OXCT1: variants seen among roughly 807,000 people sequenced by gnomAD.
OXCT1 encodes succinyl-CoA:3-ketoacid coenzyme A transferase 1, mitochondrial.
A neutral mutation model predicts 69.6 loss-of-function variants in OXCT1; 27 were observed. The observed-to-expected ratio is 0.39, with a 90% CI of 0.29 to 0.54. The LOEUF is 0.54. Among genes scored for constraint, OXCT1 ranks in the 20% least tolerant of loss-of-function variants. The probability of loss-of-function intolerance (pLI) is 0.72; values close to 1 mark genes in which losing one functional copy is unlikely to be tolerated. For missense variants in OXCT1, 437 were observed against 650.2 expected, an observed-to-expected ratio of 0.67 and a Z score of 3.57; for synonymous variants, 202 against 217.8, an observed-to-expected ratio of 0.93 and a Z score of 0.64.
intron 7 of OXCT1, among the ~76,000 whole-genome samples, chr5:41,811,070 C>T (rs1379040716): frequency 1.4e-5 from 2 of 139,200 alleles, no homozygotes; most frequent in African/African-American, 5.3e-5. Context: ...ACATTAACTC[C>T]AAAAGAGAGG....
At chr5:41,793,344 G>A (rs928391138) in intron 13 of OXCT1, among the ~76,000 whole-genome samples, 13 of 152,254 alleles carry the variant, frequency 8.5e-5, no homozygotes, top group East Asian at 5.8e-4. Flanking sequence ...TTCCATGCAC[G>A]TACTTGGGAA....
chr5:41,840,301 A>G lies in OXCT1; in HGVS notation c.732+150T>C, dbSNP rs551967230. The G allele has an allele frequency of 1.3e-3, 803 of 640,940 alleles. 4 individuals are homozygous for G. The highest frequency in any genetic ancestry group is 1.3e-3 in the Middle Eastern group (3 of 2,334). The allele number at this position is 640,940 out of a possible 1,614,324, so 39.7% of individuals were successfully genotyped here. The stretch of plus-strand genomic sequence containing the variant: ...GTTACAGCAAAATTTTAACTATTAT[A>G]TATTTAGATAGAATGGATCCATTTC... On this transcript the variant is annotated intron_variant, in intron 7 of 16. Coordinates refer to ENST00000196371, the MANE Select transcript of OXCT1 (RefSeq NM_000436.4).
intron 1 of OXCT1, among the ~76,000 whole-genome samples, chr5:41,868,516 G>C (rs990245510): frequency 6.6e-6 from 1 of 152,158 alleles, no homozygotes; most frequent in African/African-American, 2.4e-5. Flanking sequence ...GAGGTCAGGA[G>C]ATCGAGACCA....
chr5:41,766,666 A>C (rs2112119919), intron 13 of OXCT1, among the ~76,000 whole-genome samples: 1 of 152,094 alleles, frequency 6.6e-6, no homozygotes, highest in South Asian at 2.1e-4. Context: ...AAATGAATGC[A>C]TTTGAATGGT....
intron 5 of OXCT1, among the ~76,000 whole-genome samples, chr5:41,848,907 T>C (rs940246657): frequency 6.6e-6 from 1 of 152,090 alleles, no homozygotes; most frequent in Non-Finnish European, 1.5e-5. Context: ...CCAAAAGCAA[T>C]GGCAACAAAA....
At chr5:41,862,781 C>G in intron 1 of OXCT1, 31 bp from the exon 2 acceptor site, 1 of 1,273,500 alleles carries the variant, frequency 7.9e-7, no homozygotes, top group Middle Eastern at 1.9e-4. Context: ...AATTGATAAT[C>G]ATTTGGAGAT....
intron 5 of OXCT1, among the ~76,000 whole-genome samples, chr5:41,849,153 G>C (rs16871972): frequency 0.22 from 33,967 of 152,076 alleles, 3,907 homozygotes; most frequent in Middle Eastern, 0.3. Context: ...GAGATCAACA[G>C]TGAACATCAA....
chr5:41,748,424 C>G (rs1298182900), intron 15 of OXCT1, among the ~76,000 whole-genome samples: 1 of 152,008 alleles, frequency 6.6e-6, no homozygotes, highest in Non-Finnish European at 1.5e-5. Flanking sequence ...AAACAAACAA[C>G]CAACAGGGTA....
intron 16 of OXCT1, among the ~76,000 whole-genome samples, chr5:41,732,074 T>G (rs1214793316): frequency 6.6e-6 from 1 of 152,170 alleles, no homozygotes; most frequent in Non-Finnish European, 1.5e-5. Context: ...CCAAGCCCCC[T>G]GTCAGATGGA....
intron 7 of OXCT1, among the ~76,000 whole-genome samples, chr5:41,819,233 AT>A (rs995344802): frequency 6.6e-5 from 10 of 151,418 alleles, no homozygotes; most frequent in East Asian, 1.9e-4. Flanking sequence ...TATTAAGATA[AT>A]TTTTTTTTAG....
At chr5:41,818,600 A>C (rs1747371424) in intron 7 of OXCT1, among the ~76,000 whole-genome samples, 1 of 152,222 alleles carries the variant, frequency 6.6e-6, no homozygotes, top group Non-Finnish European at 1.5e-5. Context: ...TCTCACAAGA[A>C]AAAAATTTAA....
chr5:41,845,408 G>C (rs1286118370), intron 5 of OXCT1, among the ~76,000 whole-genome samples: 1 of 152,068 alleles, frequency 6.6e-6, no homozygotes, highest in Non-Finnish European at 1.5e-5. Flanking sequence ...TTCCACTATA[G>C]ACATTATGCA....
In OXCT1 at chr5:41,777,323, G is replaced by C. The variant is rs546143178; in HGVS notation, c.1249-15123C>G. Among the ~76,000 whole-genome samples the C allele has an allele frequency of 5.9e-5, 9 of 152,322 alleles. No homozygotes were observed. In the South Asian group the frequency reaches 1.4e-3, roughly 25 times the overall value. On this transcript the variant is annotated intron_variant, in intron 13 of 16. Coordinates refer to ENST00000196371, the MANE Select transcript of OXCT1 (RefSeq NM_000436.4). ...GCCAGCTACTTAGGAGGCTGAGGCA[G>C]AAGAATTGCTTGAACCCGAGAGGTG...
At position 41,864,998 on chromosome 5, in the gene OXCT1, T is replaced by A. The variant is rs569150431; in HGVS notation, c.79-2248A>T. On this transcript the variant is annotated intron_variant, in intron 1 of 16. Transcript: ENST00000196371. ...TATGCTGAGAAACACAAATCCCACA[T>A]AGAGAGGAAGTTGGAAGAAAACTCA... is the stretch of plus-strand genomic sequence containing the variant. Among the ~76,000 whole-genome samples the A allele has an allele frequency of 1.7e-4, 26 of 152,268 alleles. No individual in the cohort carries two copies. In the South Asian group the frequency reaches 4.1e-3, roughly 24 times the overall value.
intron 14 of OXCT1, among the ~76,000 whole-genome samples, chr5:41,758,536 C>T (rs955023038): frequency 4.2e-5 from 6 of 144,056 alleles, no homozygotes; most frequent in African/African-American, 1.6e-4. Flanking sequence ...TCTATGGATA[C>T]AAGTGGTGGA....
chr5:41,857,820 G>A (rs762229163), intron 3 of OXCT1, among the ~76,000 whole-genome samples: 26 of 152,074 alleles, frequency 1.7e-4, no homozygotes, highest in East Asian at 3.9e-4. Context: ...ATTCAATTAC[G>A]TTTGATATCA....
intron 5 of OXCT1, among the ~76,000 whole-genome samples, chr5:41,844,227 CA>C (rs1239662341): frequency 6.6e-6 from 1 of 152,178 alleles, no homozygotes; most frequent in Non-Finnish European, 1.5e-5. Context: ...AAGAATTCTA[CA>C]TTTCGTAGTC....
intron 7 of OXCT1, among the ~76,000 whole-genome samples, chr5:41,827,176 C>T (rs1480100381): frequency 2.0e-5 from 3 of 152,138 alleles, no homozygotes; most frequent in Non-Finnish European, 4.4e-5. Flanking sequence ...ATGACCTTTC[C>T]AAATGCACTT....
chr5:41,806,851 A>C (rs1746705941), intron 8 of OXCT1, among the ~76,000 whole-genome samples: 1 of 152,018 alleles, frequency 6.6e-6, no homozygotes, highest in Non-Finnish European at 1.5e-5. Flanking sequence ...CCTGGTACCT[A>C]CACTCCTTGC....
Sources: allele counts gnomAD v4.1 joint callset (sites outside exome capture counted in the v4.1 genomes callset), GRCh38; gene constraint gnomAD v4.1.1; transcripts MANE v1.5; gene names NCBI Gene and HGNC (gene_info 2026-07-23, HGNC 2026-07-21).